Variants in IMPG2 observed in about 807,000 individuals in gnomAD.
The protein encoded by IMPG2 is IPM 200.
In IMPG2, 91 loss-of-function variants were observed where a neutral mutation model predicts 129.2. The ratio of observed to expected loss-of-function variants is 0.70; its 90% CI spans 0.59 to 0.84. The LOEUF (loss-of-function observed/expected upper bound fraction) is 0.84, where lower values mean the gene tolerates loss of function less well. IMPG2 is among the 40% of genes least tolerant of loss of function. The probability of loss-of-function intolerance (pLI) is 0.00; values close to 1 mark genes in which losing one functional copy is unlikely to be tolerated. For synonymous variants in IMPG2, 510 were observed against 517.7 expected, an observed-to-expected ratio of 0.99 and a Z score of 0.20; for missense variants, 1,430 against 1,461.7, an observed-to-expected ratio of 0.98 and a Z score of 0.35.
In IMPG2 at chr3:101,257,741, T is replaced by C. The variant is rs1706627106; in HGVS notation, c.941A>G (p.Asn314Ser). 3.1e-6 allele frequency: 5 copies of C among 1,613,240 alleles called. No homozygotes were observed. The highest frequency in any genetic ancestry group is 3.4e-6 in the Non-Finnish European group (4 of 1,179,430). Reference sequence around the variant, plus strand: ...GGTGGTATTGCTGATGGCCTCACCATTGAAGGTAACTGCATAGTAAACATC... The same window carrying C: ...GGTGGTATTGCTGATGGCCTCACCACTGAAGGTAACTGCATAGTAAACATC... ...GVDVYYAVTF[N>S]GEAISNTTWD... is the part of the protein sequence containing the mutation. Residue 314 changes from asparagine to serine, a missense_variant, in exon 10 of 19, where the codon AAT becomes AGT. Transcript: ENST00000193391.
chr3:101,275,745 T>C lies in IMPG2; in HGVS notation c.584A>G (p.Asp195Gly). The change falls in exon 6 of 19, where the codon GAC becomes GGC. Residue 195 changes from aspartate to glycine, a missense_variant and splice_region_variant. Physicochemically the swap from Asp to Gly is moderately conservative, Grantham distance 94. Coordinates refer to ENST00000193391, the MANE Select transcript of IMPG2 (RefSeq NM_016247.4). ...TGGATGTGGAACACTGAGAGTAGTGTCTAAGAAGAAAAGCAAAAACATATG... is the reference window on the plus strand; with the variant it reads ...TGGATGTGGAACACTGAGAGTAGTGCCTAAGAAGAAAAGCAAAAACATATG... Reference protein sequence around the residue: ...VPVGDTSTLGDTTLSVPHPEV... With the variant: ...VPVGDTSTLGGTTLSVPHPEV... 1 of 1,612,920 alleles carries C rather than the reference T, an allele frequency of 6.2e-7. No individual in the cohort carries two copies.
At chr3:101,253,385 T>C (rs187354361) in intron 11 of IMPG2, among the ~76,000 whole-genome samples, 25 of 152,274 alleles carry the variant, frequency 1.6e-4, no homozygotes, top group Admixed American at 1.6e-3. Context: ...TCTGGGTAAC[T>C]CTCAGAGAAC....
chr3:101,268,072 A>G (rs1706740585), intron 8 of IMPG2, among the ~76,000 whole-genome samples: 1 of 152,234 alleles, frequency 6.6e-6, no homozygotes, highest in Non-Finnish European at 1.5e-5. Context: ...CTTCATTAAG[A>G]TTTATTAGTA....
At chr3:101,319,513 T>C (rs897111559) in intron 2 of IMPG2, 71 bp downstream of exon 2, 8 of 1,571,612 alleles carry the variant, frequency 5.1e-6, no homozygotes, top group Middle Eastern at 1.7e-4. Context: ...TGATTTACAA[T>C]GTTACCTAAC....
chr3:101,268,024 A>G (rs1434628457), intron 8 of IMPG2, among the ~76,000 whole-genome samples: 1 of 152,230 alleles, frequency 6.6e-6, no homozygotes, highest in East Asian at 1.9e-4. Context: ...TCCATGTGCC[A>G]GGAACTATGC....
At chr3:101,318,112 G>T (rs1035462061) in intron 2 of IMPG2, among the ~76,000 whole-genome samples, 1 of 150,158 alleles carries the variant, frequency 6.7e-6, no homozygotes, top group Non-Finnish European at 1.5e-5. Context: ...CTCCAGCCTG[G>T]GCGACAGAAT....
At chr3:101,267,559 C>G in intron 8 of IMPG2, 28 bp from the exon 9 acceptor site, 1 of 1,587,284 alleles carries the variant, frequency 6.3e-7, no homozygotes, top group Non-Finnish European at 8.7e-7. Flanking sequence ...AAATATTAAA[C>G]AGAGTTTGAG....
intron 2 of IMPG2, among the ~76,000 whole-genome samples, chr3:101,308,661 T>C (rs561797012): frequency 1.3e-5 from 2 of 152,354 alleles, no homozygotes; most frequent in South Asian, 4.1e-4. Flanking sequence ...ACCTCTGACA[T>C]GCCCTGAAGA....
At position 101,253,701 on chromosome 3, in the gene IMPG2, T is replaced by G. The variant is rs755284505; in HGVS notation, c.1234A>C (p.Ile412Leu). Residue 412 changes from isoleucine to leucine, a missense_variant, in exon 11 of 19, where the codon ATT (isoleucine) becomes CTT (leucine). By Grantham distance (5) the Ile-to-Leu change is conservative. Coordinates refer to ENST00000193391, the MANE Select transcript of IMPG2 (RefSeq NM_016247.4). The stretch of plus-strand genomic sequence containing the variant: ...CATAAAACATAAAAACATACCAGAA[T>G]AGATGACGGCGTTGCCTGAAGACTT... Reference protein sequence around the residue: ...SSSLQATPSSILDNTFQAAWP... With the variant: ...SSSLQATPSSLLDNTFQAAWP... 3 of 1,609,486 alleles carry G rather than the reference T, an allele frequency of 1.9e-6. No individual in the cohort carries two copies. The African/African-American group carries it at 4.0e-5, about 22-fold the overall frequency.
chr3:101,240,591 A>G (rs1207977505), intron 14 of IMPG2, among the ~76,000 whole-genome samples: 1 of 152,206 alleles, frequency 6.6e-6, no homozygotes, highest in East Asian at 1.9e-4. Flanking sequence ...TATATGAGGA[A>G]CTAAGGGTCA....
chr3:101,253,573 T>G, intron 11 of IMPG2, 123 bp downstream of exon 11: 1 of 739,604 alleles, frequency 1.4e-6, no homozygotes, highest in Non-Finnish European at 2.4e-6. Context: ...GGTCTAGGGA[T>G]GATGCAAGAG....
rs1416546398 is a variant in IMPG2 at position 101,224,370 on chromosome 3, A to AC, written c.*2598dup. The AC allele has an allele frequency of 6.6e-6, 1 of 152,252 alleles. No individual in the cohort carries two copies. The highest frequency in any genetic ancestry group is 1.5e-5 in the Non-Finnish European group (1 of 68,044). 9.4% of individuals were successfully genotyped at this position (152,252 alleles called of 1,614,324 possible). A position where few individuals can be genotyped will look rare whatever the true frequency, so the allele number is the denominator to read the frequency against. On this transcript the variant is annotated 3_prime_UTR_variant, in exon 19 of 19. Transcript: ENST00000193391. ...AATAACATTTTTAAAATGGTTATTTACCATGCATTTTATTGCTAACTGCAT... is the reference window on the plus strand; with the variant it reads ...AATAACATTTTTAAAATGGTTATTTACCCATGCATTTTATTGCTAACTGCAT...
At chr3:101,264,365 G>T (rs1247013930) in intron 9 of IMPG2, among the ~76,000 whole-genome samples, 1 of 151,936 alleles carries the variant, frequency 6.6e-6, no homozygotes, top group Non-Finnish European at 1.5e-5. Context: ...GACCAAGTAG[G>T]ATTTATCCCA....
intron 15 of IMPG2, 31 bp from the exon 16 acceptor site, chr3:101,231,176 T>A: frequency 6.2e-7 from 1 of 1,603,724 alleles, no homozygotes; most frequent in South Asian, 1.1e-5. Context: ...GTCCGATATC[T>A]GAATCACTCT....
chr3:101,270,819 G>A (rs763364707), intron 7 of IMPG2, among the ~76,000 whole-genome samples: 2 of 151,976 alleles, frequency 1.3e-5, no homozygotes, highest in African/African-American at 2.4e-5. Context: ...AATCAGGTTA[G>A]GCAAAAATGC....
In IMPG2 at chr3:101,315,119, G is replaced by C. The variant is rs533786906; in HGVS notation, c.334+4465C>G. ...TGGCACCCATGCAGACCAGACACAC[G>C]AACAACAGTAATAAATAAAGTATGT... On this transcript the variant is annotated intron_variant, in intron 2 of 18. Transcript: ENST00000193391. Among the ~76,000 whole-genome samples, 6 of 152,204 alleles carry C rather than the reference G, an allele frequency of 3.9e-5. No homozygotes were observed. In the East Asian group the frequency reaches 1.2e-3, roughly 29 times the overall value.
In IMPG2 at chr3:101,304,154, T is replaced by G. The variant is rs890894172; in HGVS notation, c.493A>C (p.Ile165Leu). The change falls in exon 3 of 19, where the codon ATC (isoleucine) becomes CTC (leucine). Residue 165 changes from isoleucine to leucine, a missense_variant. Transcript: ENST00000193391. ...TTTGTTGTGACACTTACCTTCATGA[T>G]TAAGCTTCTATGTTCCACAGATTCA... Reference protein sequence around the residue: ...FSESVEHRSLIMKKLTYAKET... With the variant: ...FSESVEHRSLLMKKLTYAKET... 2 of 1,613,770 alleles carry G rather than the reference T, an allele frequency of 1.2e-6. No individual in the cohort carries two copies. The highest frequency in any genetic ancestry group is 1.7e-6 in the Non-Finnish European group (2 of 1,179,686).
intron 7 of IMPG2, 54 bp from the exon 8 acceptor site, chr3:101,269,627 T>C (rs1199244775): frequency 6.9e-6 from 7 of 1,008,988 alleles, no homozygotes; most frequent in South Asian, 6.6e-5. Context: ...GAAAAATATA[T>C]AGAAAATAAT....
chr3:101,247,419 G>A lies in IMPG2; in HGVS notation c.1240-1314C>T, dbSNP rs570533361. ...TCGAGGCCAGCCTGATCAACATGGA[G>A]AAACCCCGCCTCTGCTAAAAATACA... On this transcript the variant is annotated intron_variant, in intron 11 of 18. Coordinates refer to ENST00000193391, the MANE Select transcript of IMPG2 (RefSeq NM_016247.4). 5.5e-3 allele frequency among the ~76,000 whole-genome samples: 830 copies of A among 152,228 alleles called. 8 individuals are homozygous for A. The highest frequency in any genetic ancestry group is 0.019 in the African/African-American group (777 of 41,546).
Sources: gnomAD v4.1 joint callset for allele counts (sites outside exome capture counted in the v4.1 genomes callset) on GRCh38, gnomAD v4.1.1 for gene constraint, MANE v1.5 for transcripts, NCBI Gene and HGNC (gene_info 2026-07-23, HGNC 2026-07-21) for gene names.